Variants in HMGB1 observed in about 807,000 individuals in gnomAD.
The protein encoded by HMGB1 is high mobility group protein B1.
For synonymous variants in HMGB1, 81 were observed against 84.0 expected (o/e 0.96, Z 0.19); for missense variants, 79 against 253.5 (o/e 0.31, Z 4.67).
At chr13:30,607,471 C>T (rs926886036) in intron 1 of HMGB1, among the ~76,000 whole-genome samples, 2 of 152,212 alleles carry the variant, frequency 1.3e-5, no homozygotes, top group Non-Finnish European at 2.9e-5. Context: ...ATGTGCCTTG[C>T]TTCCCCTTTG....
chr13:30,594,518 T>C (rs1424177946), intron 1 of HMGB1, among the ~76,000 whole-genome samples: 2 of 152,242 alleles, frequency 1.3e-5, no homozygotes, highest in African/African-American at 4.8e-5. Context: ...GTTAGGATAA[T>C]TGCCTCCAGT....
chr13:30,459,053 G>C lies in HMGB1; in HGVS notation c.*2304C>G, dbSNP rs1253249474. The C allele has an allele frequency of 6.6e-6, 1 of 151,630 alleles. No homozygotes were observed. The highest frequency in any genetic ancestry group is 1.5e-5 in the Non-Finnish European group (1 of 67,778). 9.4% of individuals were successfully genotyped at this position (151,630 alleles called of 1,614,324 possible). On this transcript the variant is annotated 3_prime_UTR_variant, in exon 5 of 5. Coordinates refer to ENST00000341423, the MANE Select transcript of HMGB1 (RefSeq NM_002128.7). ...TTAAAAGTTGGCCCAATTAATTATA[G>C]ATTTAGTCTTTTCTTGATGTCAACA...
chr13:30,503,097 G>C (rs61947767), intron 1 of HMGB1, among the ~76,000 whole-genome samples: 21,098 of 152,084 alleles, frequency 0.14, 1,839 homozygotes, highest in Middle Eastern at 0.22. Flanking sequence ...CAGCACTTTG[G>C]GAGGCCGAGG....
intron 4 of HMGB1, 26 bp downstream of exon 4, chr13:30,462,512 T>C (rs1427788918): frequency 1.9e-6 from 3 of 1,592,002 alleles, no homozygotes; most frequent in South Asian, 2.2e-5. Context: ...TGTCATCATT[T>C]TACCAAGCAA....
At chr13:30,558,735 CAGG>C (rs1399561814) in intron 1 of HMGB1, among the ~76,000 whole-genome samples, 1 of 152,180 alleles carries the variant, frequency 6.6e-6, no homozygotes, top group Non-Finnish European at 1.5e-5. Flanking sequence ...CTCAAAACCC[CAGG>C]AGCTTTCTTT....
chr13:30,538,451 A>ATTCTTTCTTTCTTTCTTTCTTTCT lies in HMGB1; in HGVS notation c.-14-74781_-14-74758dup, dbSNP rs760828749. On this transcript the variant is annotated intron_variant, in intron 1 of 4. Transcript: ENST00000405805. ...ACCACTGCAGTAACTAGTACTAGCAATTCTTTCTTTCTTTCTTTCTTTCTT... is the reference window on the plus strand; with the variant it reads ...ACCACTGCAGTAACTAGTACTAGCAATTCTTTCTTTCTTTCTTTCTTTCTTTCTTTCTTTCTTTCTTTCTTTCTT... Among the ~76,000 whole-genome samples, 51 of 90,676 alleles carry ATTCTTTCTTTCTTTCTTTCTTTCT rather than the reference A, an allele frequency of 5.6e-4. 4 individuals carry two copies. Among genetic ancestry groups the ATTCTTTCTTTCTTTCTTTCTTTCT allele is most frequent in the African/African-American group, 1.7e-3 (30 of 17,740 alleles). 59.5% of individuals were successfully genotyped at this position (90,676 alleles called of 152,430 possible).
chr13:30,593,437 C>T (rs114906982), intron 1 of HMGB1, among the ~76,000 whole-genome samples: 243 of 152,334 alleles, frequency 1.6e-3, no homozygotes, highest in African/African-American at 5.5e-3. Context: ...AAAGATACCA[C>T]TGGCTTTTGG....
At chr13:30,464,239 C>A in intron 1 of HMGB1, 2 of 985,538 alleles carry the variant, frequency 2.0e-6, no homozygotes, top group Non-Finnish European at 2.4e-6. Flanking sequence ...AGCTCCGGTG[C>A]TCGGAACCCG....
Position 30,559,759 on chromosome 13 carries a change from G to T in HMGB1, c.-15+56912C>A, listed in dbSNP as rs1410074851. 2.0e-5 allele frequency among the ~76,000 whole-genome samples: 3 copies of T among 152,154 alleles called. No individual in the cohort carries two copies. The highest frequency in any genetic ancestry group is 7.2e-5 in the African/African-American group (3 of 41,436). ...AGTCTCTCCATAACTACTAACAAGG[G>T]ACTGAGGAGAAGAATTTATATTAAA... On this transcript the variant is annotated intron_variant, in intron 1 of 4. Transcript: ENST00000405805. The surrounding 1 kb of genome is among the most constrained non-coding windows in gnomAD (Gnocchi z 6.6).
intron 1 of HMGB1, among the ~76,000 whole-genome samples, chr13:30,484,619 C>A (rs935266683): frequency 1.1e-4 from 16 of 152,096 alleles, no homozygotes; most frequent in African/African-American, 3.6e-4. Flanking sequence ...CCTGTAATCC[C>A]AGCACTTTGG....
intron 1 of HMGB1, among the ~76,000 whole-genome samples, chr13:30,544,299 C>T (rs977368504): frequency 2.0e-5 from 3 of 152,214 alleles, no homozygotes; most frequent in Non-Finnish European, 4.4e-5. Flanking sequence ...GCCCTAGGAA[C>T]GGCCAGACCA....
chr13:30,466,972 A>C (rs1266697325), upstream of HMGB1, among the ~76,000 whole-genome samples: 1 of 152,240 alleles, frequency 6.6e-6, no homozygotes, highest in Non-Finnish European at 1.5e-5. Context: ...CAGGAGTTGT[A>C]GGTATATGGT....
intron 1 of HMGB1, among the ~76,000 whole-genome samples, chr13:30,580,824 C>T (rs1426996013): frequency 6.6e-6 from 1 of 152,182 alleles, no homozygotes; most frequent in Non-Finnish European, 1.5e-5. Context: ...TCATGTTTTG[C>T]TCAATAGCTT....
intron 1 of HMGB1, chr13:30,554,762 G>T: frequency 1.3e-6 from 1 of 768,422 alleles, no homozygotes; most frequent in Non-Finnish European, 2.4e-6. Flanking sequence ...TGCAGCAGAT[G>T]AAACAGAGGC....
chr13:30,524,452 G>A (rs140112789), intron 1 of HMGB1, among the ~76,000 whole-genome samples: 12 of 152,002 alleles, frequency 7.9e-5, no homozygotes, highest in South Asian at 4.2e-4. Flanking sequence ...ACTTACAATC[G>A]TGGTGGACGG....
At chr13:30,474,285 C>T (rs990364641) in intron 1 of HMGB1, among the ~76,000 whole-genome samples, 14 of 152,170 alleles carry the variant, frequency 9.2e-5, no homozygotes, top group South Asian at 8.3e-4. Context: ...ATGGAACACT[C>T]CCTCGCCAAC....
chr13:30,501,974 A>G (rs1887744826), intron 1 of HMGB1, among the ~76,000 whole-genome samples: 1 of 152,248 alleles, frequency 6.6e-6, no homozygotes, highest in African/African-American at 2.4e-5. Context: ...ATTAAAAGAT[A>G]TACTGGGGAA....
chr13:30,598,341 A>G (rs1402680025), intron 1 of HMGB1, among the ~76,000 whole-genome samples: 1 of 152,266 alleles, frequency 6.6e-6, no homozygotes, highest in African/African-American at 2.4e-5. Flanking sequence ...CTCATTTTAA[A>G]GCAATGTTAC....
chr13:30,474,759 CTT>C (rs549499620), intron 1 of HMGB1, among the ~76,000 whole-genome samples: 15 of 92,856 alleles, frequency 1.6e-4, no homozygotes, highest in African/African-American at 5.5e-4. Flanking sequence ...TCTCTCTCTC[CTT>C]TTTTTTTTTT....
Sources: gnomAD v4.1 joint callset for allele counts (sites outside exome capture counted in the v4.1 genomes callset) on GRCh38, gnomAD v4.1.1 for gene constraint, Gnocchi (gnomAD v3.1) non-coding constraint, MANE v1.5 for transcripts, NCBI Gene and HGNC (gene_info 2026-07-23, HGNC 2026-07-21) for gene names.